The following NEDD9 variants were observed in gnomAD, a reference collection of about 807,000 sequenced individuals.
NEDD9 encodes the protein neural precursor cell expressed, developmentally down-regulated 9.
In NEDD9, 26 loss-of-function variants were observed where a neutral mutation model predicts 76.6. The observed-to-expected ratio is 0.34, with a 90% CI of 0.25 to 0.47. The LOEUF (loss-of-function observed/expected upper bound fraction) is 0.47. Among genes scored for constraint, NEDD9 ranks in the 20% least tolerant of loss-of-function variants. The pLI, the probability that NEDD9 is intolerant of heterozygous loss-of-function variation, is 1.00. For synonymous variants in NEDD9, 392 were observed against 414.2 expected, an observed-to-expected ratio of 0.95 and a Z score of 0.65; for missense variants, 937 against 1,058.5, an observed-to-expected ratio of 0.89 and a Z score of 1.59.
At chr6:11,206,173 C>T (rs1044555156) in intron 2 of NEDD9, among the ~76,000 whole-genome samples, 2 of 152,080 alleles carry the variant, frequency 1.3e-5, no homozygotes, top group Non-Finnish European at 2.9e-5. Flanking sequence ...AATCCCAGCA[C>T]TTTGGGAGGC....
At chr6:11,300,237 C>T (rs551031300) in intron 3 of NEDD9, among the ~76,000 whole-genome samples, 8 of 151,882 alleles carry the variant, frequency 5.3e-5, no homozygotes, top group Middle Eastern at 3.4e-3. Flanking sequence ...ATAGCCTATT[C>T]GATCAAGTGG....
chr6:11,342,158 A>C (rs1003450366), intron 1 of NEDD9, among the ~76,000 whole-genome samples: 3 of 152,218 alleles, frequency 2.0e-5, no homozygotes, highest in South Asian at 4.1e-4. Flanking sequence ...GAAATAAAAA[A>C]TATTAAGGAA....
rs953258288 is a variant in NEDD9, at chr6:11,183,547, T to C, written c.*1615A>G. The C allele has an allele frequency of 7.2e-5, 11 of 152,258 alleles. No homozygotes were observed. The highest frequency in any genetic ancestry group is 2.7e-4 in the African/African-American group (11 of 41,470). 9.4% of individuals were successfully genotyped at this position (152,258 alleles called of 1,614,324 possible). ...CCCACATGAACATTTCCTTGTAATG[T>C]AATGTATGACTTTTAATCTTCTTTT... is the stretch of plus-strand genomic sequence containing the variant. On this transcript the variant is annotated 3_prime_UTR_variant, in exon 7 of 7. Coordinates refer to ENST00000379446, the MANE Select transcript of NEDD9 (RefSeq NM_006403.4).
In NEDD9 at chr6:11,252,018, C is replaced by A. The variant is rs755334390; in HGVS notation, c.13-38291G>T. Among the ~76,000 whole-genome samples, 1 of 152,124 alleles carries A rather than the reference C, an allele frequency of 6.6e-6. No individual in the cohort carries two copies. The highest frequency in any genetic ancestry group is 2.4e-5 in the African/African-American group (1 of 41,430). On this transcript the variant is annotated intron_variant, in intron 3 of 3. Transcript: ENST00000397378. The surrounding 1 kb of genome is among the most constrained non-coding windows in gnomAD (Gnocchi z 4.3). ...ACTTCCCATCAATGCAAAAGCATAT[C>A]TGGGTGCTTTCGCTCCACCTCAGGG...
chr6:11,285,272 G>A (rs1248638345), intron 3 of NEDD9, among the ~76,000 whole-genome samples: 3 of 152,058 alleles, frequency 2.0e-5, no homozygotes, highest in Non-Finnish European at 4.4e-5. Context: ...TTGATACTGA[G>A]AAATGATATT....
chr6:11,271,261 T>C (rs1760302232), intron 3 of NEDD9, among the ~76,000 whole-genome samples: 1 of 152,222 alleles, frequency 6.6e-6, no homozygotes, highest in Non-Finnish European at 1.5e-5. Context: ...GGTCTTGAAC[T>C]CCTGGCCTCA....
intron 1 of NEDD9, among the ~76,000 whole-genome samples, chr6:11,214,412 CTT>C (rs1279509420): frequency 2.0e-5 from 3 of 152,256 alleles, no homozygotes; most frequent in East Asian, 3.8e-4. Context: ...GATGCCAACT[CTT>C]CTCTCTCGGT....
chr6:11,276,111 A>G (rs1760412075), intron 3 of NEDD9, among the ~76,000 whole-genome samples: 1 of 152,240 alleles, frequency 6.6e-6, no homozygotes, highest in South Asian at 2.1e-4. Flanking sequence ...TAGATTTGGA[A>G]GTGGGAGACA....
intron 3 of NEDD9, among the ~76,000 whole-genome samples, chr6:11,277,158 A>G (rs945295117): frequency 1.3e-5 from 2 of 152,226 alleles, no homozygotes; most frequent in East Asian, 3.8e-4. Context: ...CCACTGGGAA[A>G]GCCACCAGCC....
chr6:11,302,378 C>G (rs559636252), intron 3 of NEDD9, among the ~76,000 whole-genome samples: 13 of 152,246 alleles, frequency 8.5e-5, no homozygotes, highest in Middle Eastern at 6.8e-3. Context: ...TAATTAATAG[C>G]CTACCAACCA....
At chr6:11,300,802 C>A (rs570951669) in intron 3 of NEDD9, among the ~76,000 whole-genome samples, 1 of 152,288 alleles carries the variant, frequency 6.6e-6, no homozygotes, top group Non-Finnish European at 1.5e-5. Context: ...CCTTTATAGA[C>A]AAGCAAATGC....
chr6:11,332,048 C>T (rs756483458), intron 2 of NEDD9, among the ~76,000 whole-genome samples: 17 of 152,140 alleles, frequency 1.1e-4, no homozygotes, highest in Non-Finnish European at 2.1e-4. Context: ...CCAGAAGCAA[C>T]ATGTCTTTCA....
chr6:11,380,590 G>C (rs569873769), intron 1 of NEDD9, among the ~76,000 whole-genome samples: 1 of 152,338 alleles, frequency 6.6e-6, no homozygotes, highest in Non-Finnish European at 1.5e-5. Context: ...GAGGCCTGGA[G>C]GAGGGAGGCA....
At chr6:11,285,335 A>G (rs1301845062) in intron 3 of NEDD9, among the ~76,000 whole-genome samples, 1 of 152,196 alleles carries the variant, frequency 6.6e-6, no homozygotes, top group Non-Finnish European at 1.5e-5. Context: ...GTTGAGAAAA[A>G]TTAAAGAAGA....
chr6:11,338,845 C>A (rs1207730886), intron 1 of NEDD9, among the ~76,000 whole-genome samples: 1 of 150,734 alleles, frequency 6.6e-6, no homozygotes, highest in Non-Finnish European at 1.5e-5. Context: ...TTGCTTGAAC[C>A]TGGGAGGCAG....
chr6:11,321,166 A>AC, intron 2 of NEDD9, among the ~76,000 whole-genome samples: 2 of 100,498 alleles, frequency 2.0e-5, no homozygotes, highest in Non-Finnish European at 4.1e-5. Flanking sequence ...GGAGGGAGGG[A>AC]AAGAAGGAAG....
intron 1 of NEDD9, among the ~76,000 whole-genome samples, chr6:11,379,908 G>T (rs1406512737): frequency 1.3e-5 from 2 of 152,188 alleles, no homozygotes; most frequent in Non-Finnish European, 2.9e-5. Flanking sequence ...TCTCCTATTT[G>T]TGTTCCACAC....
At chr6:11,275,565 C>CACACACACACACACACAT (rs551632582) in intron 3 of NEDD9, among the ~76,000 whole-genome samples, 1 of 150,184 alleles carries the variant, frequency 6.7e-6, no homozygotes, top group African/African-American at 2.5e-5. Flanking sequence ...CACACACACA[C>CACACACACACACACACAT]ATATATATAT....
intron 3 of NEDD9, among the ~76,000 whole-genome samples, chr6:11,280,055 G>T (rs115587690): frequency 0.018 from 2,752 of 152,216 alleles, 80 homozygotes; most frequent in African/African-American, 0.063. Context: ...CTTCATGGTG[G>T]GGGCTGCCTT....
Sources: allele counts gnomAD v4.1 joint callset (sites outside exome capture counted in the v4.1 genomes callset), GRCh38; gene constraint gnomAD v4.1.1; non-coding constraint Gnocchi (gnomAD v3.1); transcripts MANE v1.5; gene names NCBI Gene and HGNC (gene_info 2026-07-23, HGNC 2026-07-21).